The following TG variants were observed in gnomAD, a reference collection of about 807,000 sequenced individuals.
TG encodes thyroglobulin, also known as thyroid hormones.
In TG, 270 loss-of-function variants were observed where a neutral mutation model predicts 324.7. That is an observed-to-expected ratio of 0.83 (90% CI 0.75 to 0.92). TG has a LOEUF of 0.92. Among genes scored for constraint, TG ranks in the 40% least tolerant of loss-of-function variants. TG has a pLI of 0.00. For missense variants in TG, 3,591 were observed against 3,456.4 expected (o/e 1.04, Z -0.98); for synonymous variants, 1,401 against 1,327.0 (o/e 1.06, Z -1.21).
intron 45 of TG, among the ~76,000 whole-genome samples, chr8:133,119,834 A>G (rs1588137079): frequency 6.6e-6 from 1 of 152,296 alleles, no homozygotes; most frequent in East Asian, 1.9e-4. Context: ...TTCCACTCTA[A>G]CACGCGGTCT....
chr8:133,035,890 C>T (rs77272183), intron 41 of TG, among the ~76,000 whole-genome samples: 34 of 152,262 alleles, frequency 2.2e-4, no homozygotes, highest in Non-Finnish European at 4.4e-4. Flanking sequence ...GGTCTTACCC[C>T]CTACTTGGAT....
chr8:132,990,720 G>T (rs1174589303), intron 35 of TG, among the ~76,000 whole-genome samples: 1 of 152,134 alleles, frequency 6.6e-6, no homozygotes, highest in Non-Finnish European at 1.5e-5. Flanking sequence ...TACAAGGTGT[G>T]CACAACTGTG....
chr8:133,103,843 G>T (rs1448497631), intron 43 of TG, among the ~76,000 whole-genome samples: 1 of 152,228 alleles, frequency 6.6e-6, no homozygotes, highest in African/African-American at 2.4e-5. Context: ...AGAGGGCACA[G>T]TTGTAACCTA....
rs1402068280 is a variant in TG at position 132,961,056 on chromosome 8, A to G, written c.5450A>G (p.Gln1817Arg). The change falls in exon 28 of 48, where the codon CAG becomes CGG. Residue 1817 changes from glutamine to arginine, a missense_variant. By Grantham distance (43) the Gln-to-Arg change is conservative. Coordinates refer to ENST00000220616, the MANE Select transcript of TG (RefSeq NM_003235.5). Reference sequence around the variant, plus strand: ...CAAGACACCTTTACCAATTTTCAGCAGGTTTATCTCTGGAAAGGTGAGCTC... The same window carrying G: ...CAAGACACCTTTACCAATTTTCAGCGGGTTTATCTCTGGAAAGGTGAGCTC... Reference protein sequence around the residue: ...GTQDTFTNFQQVYLWKDSDMG... With the variant: ...GTQDTFTNFQRVYLWKDSDMG... 6.2e-7 allele frequency: 1 copy of G among 1,614,066 alleles called. No homozygotes were observed. Among genetic ancestry groups the G allele is most frequent in the Non-Finnish European group, 8.5e-7 (1 of 1,179,958 alleles).
intron 22 of TG, among the ~76,000 whole-genome samples, 166 bp downstream of exon 22, chr8:132,923,674 C>T (rs556136709): frequency 2.1e-4 from 32 of 152,042 alleles, no homozygotes; most frequent in Non-Finnish European, 4.1e-4. Context: ...GAACAAATAC[C>T]CATCACCTAG....
chr8:132,933,772 G>T, intron 24 of TG, 96 bp downstream of exon 24: 1 of 1,092,896 alleles, frequency 9.2e-7, no homozygotes, highest in Non-Finnish European at 1.4e-6. Context: ...GCGATGGAAT[G>T]AGGTTGTCGA....
rs2069566 is a variant in TG, at chr8:133,017,940, G to A, written c.6725G>A (p.Arg2242His). Residue 2242 changes from arginine (R) to histidine (H), a missense_variant, in exon 38 of 48, where the codon CGC becomes CAC. Arg to His is a conservative substitution (Grantham distance 29, BLOSUM62 0). Transcript: ENST00000220616. ...GCTGCCCCGCCCCTGGCAGAGAGGC[G>A]CTTCCAGGCACCAGAGCCCTTGAAC... ...PYAAPPLAER[R>H]FQAPEPLNWT... 8.7e-6 allele frequency: 14 copies of A among 1,614,066 alleles called. No individual in the cohort carries two copies. The highest frequency in any genetic ancestry group is 4.4e-5 in the South Asian group (4 of 91,086).
At chr8:133,103,196 A>C (rs1206804879) in intron 43 of TG, 1 of 153,630 alleles carries the variant, frequency 6.5e-6, no homozygotes, top group African/African-American at 2.4e-5. Context: ...ACGATGTAGG[A>C]GAGTTGCTGA....
In TG at chr8:132,893,777, G is replaced by A. The variant is rs375996100; in HGVS notation, c.2849G>A (p.Arg950Gln). 2.9e-5 allele frequency: 46 copies of A among 1,613,844 alleles called. No homozygotes were observed. The highest frequency in any genetic ancestry group is 4.4e-5 in the South Asian group (4 of 91,084). The change falls in exon 11 of 48, where the codon CGG becomes CAG. Residue 950 changes from arginine to glutamine, a missense_variant. By Grantham distance (43) the Arg-to-Gln change is conservative. Transcript: ENST00000220616. ...EEIVSASNSS[R>Q]FPLGESFLVA... is the part of the protein sequence containing the mutation. The stretch of plus-strand genomic sequence containing the variant: ...ATTGTTTCAGCTTCCAACAGTTCTC[G>A]GTTCCCTCTGGGGGAGAGTTTCCTG...
intron 14 of TG, 105 bp downstream of exon 14, chr8:132,899,015 A>G: frequency 2.0e-6 from 2 of 1,016,620 alleles, no homozygotes. Flanking sequence ...AGCTCACATG[A>G]TGTTCTCAGC....
intron 18 of TG, 25 bp downstream of exon 18, chr8:132,908,365 T>A: frequency 1.3e-6 from 2 of 1,516,576 alleles, no homozygotes; most frequent in South Asian, 1.1e-5. Flanking sequence ...TTCCCCACAG[T>A]GAGGGCTTGG....
intron 35 of TG, among the ~76,000 whole-genome samples, chr8:132,996,347 G>A (rs1199766202): frequency 1.3e-5 from 2 of 152,132 alleles, no homozygotes; most frequent in African/African-American, 4.8e-5. Context: ...TTTGTAGTAT[G>A]TGAATAATAA....
intron 34 of TG, among the ~76,000 whole-genome samples, chr8:132,980,484 C>T (rs1284012733): frequency 1.3e-5 from 2 of 152,066 alleles, no homozygotes; most frequent in Admixed American, 6.6e-5. Context: ...CCTATGCACC[C>T]CTTCCTTTTG....
At chr8:133,041,636 C>T (rs1838261627) in intron 41 of TG, among the ~76,000 whole-genome samples, 1 of 152,098 alleles carries the variant, frequency 6.6e-6, no homozygotes, top group Admixed American at 6.6e-5. Flanking sequence ...CCGTGAGTGT[C>T]CTTCCTTAGA....
rs543853467 is a variant in TG, at chr8:132,958,443, G to A, written c.5402-2565G>A. 3.7e-4 allele frequency among the ~76,000 whole-genome samples: 56 copies of A among 152,158 alleles called. No individual in the cohort carries two copies. In the East Asian group the frequency reaches 9.7e-3, roughly 26 times the overall value. On this transcript the variant is annotated intron_variant, in intron 27 of 47. Transcript: ENST00000220616. ...TTGGGTATACAAAGATTTAAGGCTG[G>A]GCACGGTGGCTCACACCTGTAATCC...
chr8:133,019,455 C>T (rs1835359240), intron 38 of TG, 147 bp from the exon 39 acceptor site: 2 of 668,624 alleles, frequency 3.0e-6, no homozygotes, highest in Middle Eastern at 3.3e-4. Flanking sequence ...TGAATCTTTC[C>T]ACTCCCATTT....
chr8:133,095,235 G>A (rs762566178), intron 42 of TG, 27 bp downstream of exon 42: 1 of 1,614,174 alleles, frequency 6.2e-7, no homozygotes, highest in African/African-American at 1.3e-5. Context: ...AAGTTGGGAA[G>A]GGACATTCTC....
intron 43 of TG, among the ~76,000 whole-genome samples, chr8:133,112,081 G>A (rs12680704): frequency 2.7e-5 from 3 of 111,566 alleles, no homozygotes; most frequent in African/African-American, 6.8e-5. Flanking sequence ...TGTTCACCCA[G>A]GAGTGGTTGT....
Position 132,922,137 on chromosome 8 carries a change from G to A in TG, c.4529-1201G>A, listed in dbSNP as rs117127001. Among the ~76,000 whole-genome samples, 56 of 152,300 alleles carry A rather than the reference G, an allele frequency of 3.7e-4. No individual in the cohort carries two copies. The East Asian group carries it at 7.5e-3, about 20-fold the overall frequency. Reference sequence around the variant, plus strand: ...TTAGAGTCTGACAGAGAAAAGAAACGTGTGAGCATATCCATGTGATGTAAT... The same window carrying A: ...TTAGAGTCTGACAGAGAAAAGAAACATGTGAGCATATCCATGTGATGTAAT... On this transcript the variant is annotated intron_variant, in intron 21 of 47. Coordinates refer to ENST00000220616, the MANE Select transcript of TG (RefSeq NM_003235.5).
Sources: allele counts gnomAD v4.1 joint callset (sites outside exome capture counted in the v4.1 genomes callset), GRCh38; gene constraint gnomAD v4.1.1; transcripts MANE v1.5; gene names NCBI Gene and HGNC (gene_info 2026-07-23, HGNC 2026-07-21).